The following PCDHGA2 variants were observed in gnomAD, a reference collection of about 807,000 sequenced individuals.
The protein encoded by PCDHGA2 is protocadherin gamma-A2.
PCDHGA2 carries 40 observed loss-of-function variants against 59.2 expected under a neutral mutation model. The observed-to-expected ratio is 0.68, with a 90% CI of 0.52 to 0.88. The LOEUF is 0.88. PCDHGA2 is among the 40% of genes least tolerant of loss of function. PCDHGA2 has a pLI of 0.00. For synonymous variants in PCDHGA2, 560 were observed against 526.0 expected, an observed-to-expected ratio of 1.06 and a Z score of -0.89; for missense variants, 1,226 against 1,204.0, an observed-to-expected ratio of 1.02 and a Z score of -0.27.
rs1265422100 is a variant in PCDHGA2 at position 141,490,199 on chromosome 5, C to A, written c.2425-4608C>A. On this transcript the variant is annotated intron_variant, in intron 1 of 3. Transcript: ENST00000394576. This position sits in a 1 kb window ranked among gnomAD's most constrained non-coding sequence, Gnocchi z 5.4. The stretch of plus-strand genomic sequence containing the variant: ...GAGTCACGTTTCTATGAAATTCATG[C>A]AAGAGCCCGTGACCAGGGACAGCCT... The A allele has an allele frequency of 1.9e-6, 3 of 1,614,184 alleles. No homozygotes were observed. The highest frequency in any genetic ancestry group is 2.5e-6 in the Non-Finnish European group (3 of 1,180,024).
chr5:141,383,342 C>T, intron 1 of PCDHGA2: 2 of 1,613,958 alleles, frequency 1.2e-6, no homozygotes, highest in Non-Finnish European at 1.7e-6. Flanking sequence ...AATACAGCTC[C>T]TGGGGTTCGG....
chr5:141,383,578 C>A, intron 1 of PCDHGA2: 1 of 1,613,494 alleles, frequency 6.2e-7, no homozygotes, highest in Non-Finnish European at 8.5e-7. Flanking sequence ...CAGCACCGCC[C>A]ACATCCAGGT....
chr5:141,364,661 G>A (rs369366226), intron 1 of PCDHGA2: 127 of 1,614,028 alleles, frequency 7.9e-5, no homozygotes, highest in Non-Finnish European at 1.0e-4. Flanking sequence ...CATCTTGGTT[G>A]AGAACAAAAT....
intron 1 of PCDHGA2, chr5:141,370,309 A>G: frequency 8.1e-7 from 1 of 1,240,254 alleles, no homozygotes; most frequent in South Asian, 1.6e-5. Flanking sequence ...GACAAAGCAA[A>G]TAGTTGGTCC....
At chr5:141,376,683 T>TTTTTTTG (rs1483837724) in intron 1 of PCDHGA2, 1 of 803,912 alleles carries the variant, frequency 1.2e-6, no homozygotes, top group African/African-American at 1.9e-5. Context: ...ATCGTTTTTT[T>TTTTTTTG]TTTTTTTTTT....
intron 1 of PCDHGA2, chr5:141,403,224 A>G (rs753308307): frequency 2.0e-5 from 32 of 1,613,820 alleles, no homozygotes; most frequent in Non-Finnish European, 2.5e-5. Context: ...GGTAGGATAG[A>G]CCGGGAGGAG....
chr5:141,413,836 G>A, intron 1 of PCDHGA2: 2 of 1,613,256 alleles, frequency 1.2e-6, no homozygotes, highest in Non-Finnish European at 1.7e-6. Context: ...CGCCTCCGAC[G>A]GGGGTGACCC....
At chr5:141,420,213 G>A in intron 1 of PCDHGA2, 1 of 1,611,648 alleles carries the variant, frequency 6.2e-7, no homozygotes, top group Non-Finnish European at 8.5e-7. Flanking sequence ...AACAAAGATA[G>A]CATGCTACTG....
chr5:141,364,519 A>G, intron 1 of PCDHGA2: 1 of 1,614,016 alleles, frequency 6.2e-7, no homozygotes, highest in Non-Finnish European at 8.5e-7. Context: ...CGGAGCGCGG[A>G]GTCCGCATCG....
At chr5:141,423,313 G>A (rs1407028245) in intron 1 of PCDHGA2, 3 of 1,614,184 alleles carry the variant, frequency 1.9e-6, no homozygotes, top group Non-Finnish European at 1.7e-6. Context: ...GTACTTGGTG[G>A]TGGCGGTGGC....
Position 141,489,338 on chromosome 5 carries a change from A to T in PCDHGA2, c.2425-5469A>T, listed in dbSNP as rs1303176012. 1 of 1,608,414 alleles carries T rather than the reference A, an allele frequency of 6.2e-7. No homozygotes were observed. Among genetic ancestry groups the T allele is most frequent in the South Asian group, 1.1e-5 (1 of 90,478 alleles). ...GGCTGGGTGTCTGGGCAGCTTCGTTACTCAGTGGTGGAGGAGTCTGAGCCG... is the reference window on the plus strand; with the variant it reads ...GGCTGGGTGTCTGGGCAGCTTCGTTTCTCAGTGGTGGAGGAGTCTGAGCCG... On this transcript the variant is annotated intron_variant, in intron 1 of 3. Coordinates refer to ENST00000394576, the MANE Select transcript of PCDHGA2 (RefSeq NM_018915.4). This position sits in a 1 kb window ranked among gnomAD's most constrained non-coding sequence, Gnocchi z 4.5.
chr5:141,427,222 A>G (rs536161247), intron 1 of PCDHGA2: 1 of 456,774 alleles, frequency 2.2e-6, no homozygotes, highest in South Asian at 1.5e-5. Flanking sequence ...CGTAGCAGTT[A>G]TACCATGAGA....
At chr5:141,370,175 T>C in intron 1 of PCDHGA2, 1 of 463,044 alleles carries the variant, frequency 2.2e-6, no homozygotes, top group East Asian at 3.2e-5. Context: ...AGGCGCCGGG[T>C]GCCGCTCTTG....
At chr5:141,346,365 A>G (rs777812377) in intron 1 of PCDHGA2, 2 of 1,614,246 alleles carry the variant, frequency 1.2e-6, no homozygotes. Context: ...CTATGCGGAC[A>G]CGCTCATCAG....
At position 141,366,595 on chromosome 5, in the gene PCDHGA2, C is replaced by G. The variant is rs373756207; in HGVS notation, c.2424+25200C>G. 4.3e-6 allele frequency: 7 copies of G among 1,614,146 alleles called. No individual in the cohort carries two copies. The Admixed American group carries it at 8.3e-5, about 19-fold the overall frequency. On this transcript the variant is annotated intron_variant, in intron 1 of 3. Coordinates refer to ENST00000394576, the MANE Select transcript of PCDHGA2 (RefSeq NM_018915.4). ...GGGCTTTCCTGCAGACCTATTCCCA[C>G]GAGGTCTCCCTCACCGCGGACTCGA...
At chr5:141,457,475 G>T (rs1203288452) in intron 1 of PCDHGA2, among the ~76,000 whole-genome samples, 1 of 152,142 alleles carries the variant, frequency 6.6e-6, no homozygotes, top group East Asian at 1.9e-4. Flanking sequence ...AATAAGCAGG[G>T]CCAGGGTTAG....
intron 1 of PCDHGA2, chr5:141,394,323 T>A (rs1323089912): frequency 6.2e-7 from 1 of 1,613,982 alleles, no homozygotes; most frequent in South Asian, 1.1e-5. Flanking sequence ...CCTGTCCTCG[T>A]ATATCTCCAT....
rs746408347 is a variant in PCDHGA2 at position 141,486,293 on chromosome 5, G to A, written c.2425-8514G>A. ...TGGCACTGTGGTGGCACTTATCAGT[G>A]TGCAGGATCCAGACTCAGGGTCAAA... On this transcript the variant is annotated intron_variant, in intron 1 of 3. Transcript: ENST00000394576. This position sits in a 1 kb window ranked among gnomAD's most constrained non-coding sequence, Gnocchi z 5.0. The A allele has an allele frequency of 3.1e-6, 5 of 1,614,018 alleles. No homozygotes were observed. In the Admixed American group the frequency reaches 8.3e-5, roughly 27 times the overall value.
chr5:141,414,684 AC>A (rs1561750824), intron 1 of PCDHGA2: 1 of 1,613,924 alleles, frequency 6.2e-7, no homozygotes, highest in Admixed American at 1.7e-5. Flanking sequence ...TCCAGGGGGT[AC>A]CTCTGTCCTC....
Sources: gnomAD v4.1 joint callset for allele counts (sites outside exome capture counted in the v4.1 genomes callset) on GRCh38, gnomAD v4.1.1 for gene constraint, Gnocchi (gnomAD v3.1) non-coding constraint, MANE v1.5 for transcripts, NCBI Gene and HGNC (gene_info 2026-07-23, HGNC 2026-07-21) for gene names.